The following POMGNT1 variants were observed in gnomAD, a reference collection of about 807,000 sequenced individuals.
POMGNT1 encodes the protein protein O-linked mannose N-acetylglucosaminyltransferase 1 (beta 1,2-).
In POMGNT1, 67 loss-of-function variants were observed where a neutral mutation model predicts 95.6. The ratio of observed to expected loss-of-function variants is 0.70; its 90% CI spans 0.58 to 0.86. The LOEUF is 0.86. Among genes scored for constraint, POMGNT1 ranks in the 40% least tolerant of loss-of-function variants. The pLI is 0.00. For synonymous variants in POMGNT1, 298 were observed against 317.9 expected (o/e 0.94, Z 0.66); for missense variants, 719 against 855.2 (o/e 0.84, Z 1.99).
At chr1:46,202,926 T>TGTGG (rs1658589718), upstream of POMGNT1, among the ~76,000 whole-genome samples, 1 of 94,352 alleles carries the variant, frequency 1.1e-5, no homozygotes, top group African/African-American at 4.0e-5. Context: ...GGGTGGTGTG[T>TGTGG]GTGTGTGTGT....
chr1:46,198,530 C>T (rs6663720), upstream of POMGNT1: 627 of 148,120 alleles, frequency 4.2e-3, 7 homozygotes, highest in African/African-American at 0.016. Flanking sequence ...GCGGCGGCGG[C>T]GGCGGCGGCG....
At chr1:46,197,588 A>C in intron 2 of POMGNT1, 114 bp downstream of exon 2, 1 of 1,573,744 alleles carries the variant, frequency 6.4e-7, no homozygotes, top group Admixed American at 1.7e-5. Flanking sequence ...CCCTCTAGGA[A>C]CCTGCTGCCC....
chr1:46,219,295 C>CA (rs747473864), intron 1 of POMGNT1, among the ~76,000 whole-genome samples: 1,161 of 97,448 alleles, frequency 0.012, 13 homozygotes, highest in East Asian at 0.092. Context: ...AACTCCATTT[C>CA]AAAAAAAAAA....
chr1:46,200,023 A>G (rs1422931116), upstream of POMGNT1, among the ~76,000 whole-genome samples: 1 of 152,108 alleles, frequency 6.6e-6, no homozygotes. Flanking sequence ...TACAAAAGTT[A>G]GCTGGGCGTG....
intron 10 of POMGNT1, 93 bp from the exon 11 acceptor site, chr1:46,193,732 C>T: frequency 3.7e-6 from 6 of 1,601,794 alleles, no homozygotes; most frequent in Non-Finnish European, 5.1e-6. Context: ...CCTATGCTTA[C>T]CCACAGAGGT....
At chr1:46,198,533 C>CGGCGGT (rs1658421664), upstream of POMGNT1, 4 of 150,440 alleles carry the variant, frequency 2.7e-5, no homozygotes, top group Non-Finnish European at 2.8e-5. Context: ...GCGGCGGCGG[C>CGGCGGT]GGCGGCGGTG....
chr1:46,189,707 T>C, intron 20 of POMGNT1, 140 bp from the exon 21 acceptor site: 1 of 1,549,782 alleles, frequency 6.5e-7, no homozygotes. Context: ...GAATATGAAT[T>C]TGGACAAGGA....
chr1:46,194,944 G>A lies in POMGNT1; in HGVS notation c.552C>T (p.His184=), dbSNP rs2148205745. Residue 184 remains histidine, a synonymous_variant, in exon 7 of 22, where the codon CAC becomes CAT. Coordinates refer to ENST00000371984, the MANE Select transcript of POMGNT1 (RefSeq NM_017739.4). ...GCAGAGCCTTGGCTGTGTCCTTGAG[G>A]TGGAAGGAGCCCTCATCCTGGGGGA... ...ICTVKDEGSF[H]LKDTAKALLR... The A allele has an allele frequency of 6.2e-7, 1 of 1,614,144 alleles. No individual in the cohort carries two copies. Among genetic ancestry groups the A allele is most frequent in the Middle Eastern group, 1.6e-4 (1 of 6,062 alleles).
rs1206240703 is a variant in POMGNT1 at position 46,189,932 on chromosome 1, G to T, written c.1707C>A (p.Asp569Glu). 1 of 1,614,092 alleles carries T rather than the reference G, an allele frequency of 6.2e-7. No individual in the cohort carries two copies. The highest frequency in any genetic ancestry group is 8.5e-7 in the Non-Finnish European group (1 of 1,180,016). The change falls in exon 20 of 22, where the codon GAC becomes GAA. Residue 569 changes from aspartate to glutamate, a missense_variant. Around this residue, in one of 5 missense-constraint regions of POMGNT1, gnomAD observed 130 missense variants for 149.2 expected, o/e 0.87. Transcript: ENST00000371984. ...KNPCEDSFLP[D>E]TEGHTYVAFI... Reference sequence around the variant, plus strand: ...AGGCCACGTAGGTGTGGCCCTCTGTGTCTGGCAGGAAAGAGTCTTCACAAG... The same window carrying T: ...AGGCCACGTAGGTGTGGCCCTCTGTTTCTGGCAGGAAAGAGTCTTCACAAG...
chr1:46,192,460 G>T (rs1385006878), intron 15 of POMGNT1, 24 bp from the exon 16 acceptor site: 1 of 1,614,162 alleles, frequency 6.2e-7, no homozygotes, highest in East Asian at 2.2e-5. Flanking sequence ...GCCATAGTGG[G>T]AGGTATTAGC....
chr1:46,212,378 T>C (rs993008485), intron 1 of POMGNT1, among the ~76,000 whole-genome samples: 1 of 151,834 alleles, frequency 6.6e-6, no homozygotes, highest in Non-Finnish European at 1.5e-5. Context: ...CCTCCCGGGT[T>C]CATGCCATTC....
At chr1:46,190,917 T>A in intron 17 of POMGNT1, 133 bp from the exon 18 acceptor site, 1 of 828,742 alleles carries the variant, frequency 1.2e-6, no homozygotes. Flanking sequence ...TTTCCCACCG[T>A]CTTCTCCATC....
At chr1:46,200,584 G>A (rs969868075), upstream of POMGNT1, among the ~76,000 whole-genome samples, 4 of 152,164 alleles carry the variant, frequency 2.6e-5, no homozygotes, top group African/African-American at 4.8e-5. Context: ...TAAGCTCTCC[G>A]TAACATTTGT....
chr1:46,202,923 GTGTGT>G (rs1172178707), upstream of POMGNT1, among the ~76,000 whole-genome samples: 31 of 89,208 alleles, frequency 3.5e-4, no homozygotes, highest in South Asian at 4.5e-3. Flanking sequence ...GGGGGGTGGT[GTGTGT>G]GTGTGTGTGT....
intron 1 of POMGNT1, among the ~76,000 whole-genome samples, chr1:46,212,492 A>G (rs1392230680): frequency 3.3e-5 from 5 of 151,976 alleles, no homozygotes; most frequent in Non-Finnish European, 5.9e-5. Flanking sequence ...CGTGTTAGCC[A>G]GGATGGTCTT....
chr1:46,209,390 C>G (rs1658822282), intron 1 of POMGNT1, among the ~76,000 whole-genome samples: 1 of 152,096 alleles, frequency 6.6e-6, no homozygotes. Context: ...ATTTCTGGAA[C>G]TGGGGGCACA....
chr1:46,192,025 A>G (rs966776899), intron 17 of POMGNT1, 73 bp downstream of exon 17: 6 of 1,524,594 alleles, frequency 3.9e-6, no homozygotes, highest in Non-Finnish European at 5.4e-6. Flanking sequence ...CAGAGCTAAG[A>G]TTGCTTCAGA....
chr1:46,198,952 T>A (rs1474381792), upstream of POMGNT1, among the ~76,000 whole-genome samples: 6 of 152,164 alleles, frequency 3.9e-5, no homozygotes, highest in Non-Finnish European at 8.8e-5. Context: ...ATTGTTTTTT[T>A]TTTAATTGAG....
chr1:46,219,643 C>T lies in POMGNT1; in HGVS notation c.-51+62G>A, dbSNP rs574393676. The stretch of plus-strand genomic sequence containing the variant: ...ACCACAAGGTAGTGGCCTGTGGAAA[C>T]GCTGGGGAAACCCATGCCCCAGAAC... On this transcript the variant is annotated intron_variant, in intron 1 of 22. Transcript: ENST00000371992. 3.3e-5 allele frequency: 50 copies of T among 1,505,566 alleles called. 2 individuals are homozygous for T. The highest frequency in any genetic ancestry group is 9.1e-5 in the East Asian group (4 of 44,066). 93.3% of individuals were successfully genotyped at this position (1,505,566 alleles called of 1,614,324 possible).
Sources: gnomAD v4.1 joint callset for allele counts (sites outside exome capture counted in the v4.1 genomes callset) on GRCh38, gnomAD v4.1.1 for gene constraint, gnomAD v4.1.1 regional missense constraint, MANE v1.5 for transcripts, NCBI Gene and HGNC (gene_info 2026-07-23, HGNC 2026-07-21) for gene names.